Variants in VTI1A observed in about 807,000 individuals in gnomAD.
The protein encoded by VTI1A is vesicle transport through interaction with t-SNAREs 1A, also known as vesicle transport through interaction with t-SNAREs homolog 1A.
A neutral mutation model predicts 34.9 loss-of-function variants in VTI1A; 22 were observed. That is an observed-to-expected ratio of 0.63 (90% CI 0.45 to 0.90). The LOEUF is 0.90. Among genes scored for constraint, VTI1A ranks in the 40% least tolerant of loss-of-function variants. The pLI is 0.00. For missense variants in VTI1A, 268 were observed against 275.6 expected, an observed-to-expected ratio of 0.97 and a Z score of 0.20; for synonymous variants, 87 against 97.3, an observed-to-expected ratio of 0.89 and a Z score of 0.62.
chr10:112,682,257 A>G (rs1848241518), intron 7 of VTI1A, among the ~76,000 whole-genome samples: 1 of 152,184 alleles, frequency 6.6e-6, no homozygotes, highest in South Asian at 2.1e-4. Context: ...TTTCAAATAT[A>G]CAGTTTTCTC....
chr10:112,815,133 G>GCA (rs71489985), intron 7 of VTI1A, among the ~76,000 whole-genome samples, 157 bp from the exon 8 acceptor site: 7 of 90,372 alleles, frequency 7.7e-5, no homozygotes, highest in East Asian at 2.5e-4. Context: ...TGTCTCTTTC[G>GCA]CGCGCGCACA....
intron 5 of VTI1A, among the ~76,000 whole-genome samples, chr10:112,600,151 G>A (rs1395204497): frequency 2.0e-5 from 3 of 152,140 alleles, no homozygotes; most frequent in African/African-American, 7.2e-5. Context: ...AAAACGGAAT[G>A]TTTGAAAACC....
chr10:112,814,699 C>A (rs563502143), intron 7 of VTI1A, among the ~76,000 whole-genome samples: 3 of 152,272 alleles, frequency 2.0e-5, no homozygotes, highest in Admixed American at 1.3e-4. Context: ...TGCTATGGAG[C>A]AAATGTAACG....
intron 7 of VTI1A, among the ~76,000 whole-genome samples, chr10:112,789,437 G>A (rs4918773): frequency 0.51 from 77,982 of 151,932 alleles, 20,735 homozygotes; most frequent in East Asian, 0.74. Context: ...ATTTGCCTGT[G>A]CATGATGAGT....
chr10:112,838,086 C>T, the VTI1A span, among the ~76,000 whole-genome samples: 30 of 152,372 alleles, frequency 2.0e-4, no homozygotes, highest in South Asian at 6.2e-4. Context: ...CCCAGGCACA[C>T]AGCTCAATGT....
intron 7 of VTI1A, among the ~76,000 whole-genome samples, chr10:112,687,219 C>CTTTTTTTTT (rs71303594): frequency 2.4e-5 from 2 of 84,566 alleles, no homozygotes; most frequent in Non-Finnish European, 4.4e-5. Context: ...CATACTACAA[C>CTTTTTTTTT]TTTTTTTTTT....
chr10:112,550,461 TTA>T (rs1169087513), intron 5 of VTI1A, among the ~76,000 whole-genome samples: 2 of 152,146 alleles, frequency 1.3e-5, no homozygotes, highest in Non-Finnish European at 2.9e-5. Flanking sequence ...TGTGTACAAC[TTA>T]TATCAAGTGG....
chr10:112,618,131 G>T (rs1355368504), intron 5 of VTI1A, among the ~76,000 whole-genome samples: 1 of 152,020 alleles, frequency 6.6e-6, no homozygotes, highest in Non-Finnish European at 1.5e-5. Flanking sequence ...TCCAGCTTGA[G>T]CAACAGAGTG....
At position 112,560,386 on chromosome 10, in the gene VTI1A, G is replaced by A. The variant is rs184692369; in HGVS notation, c.427+22056G>A. Among the ~76,000 whole-genome samples, 6 of 152,150 alleles carry A rather than the reference G, an allele frequency of 3.9e-5. No individual in the cohort carries two copies. The East Asian group carries it at 1.2e-3, about 29-fold the overall frequency. ...GTTTAGGTTTCTAGTTTAATGTTAT[G>A]TCTTCAAAGAAGACTACCCTGACCA... On this transcript the variant is annotated intron_variant, in intron 5 of 7. Coordinates refer to ENST00000393077, the MANE Select transcript of VTI1A (RefSeq NM_145206.4).
chr10:112,666,338 G>T (rs560007483), intron 5 of VTI1A, among the ~76,000 whole-genome samples: 1 of 152,182 alleles, frequency 6.6e-6, no homozygotes, highest in African/African-American at 2.4e-5. Context: ...GTATGTAACT[G>T]TTTTCTATGA....
chr10:112,842,051 C>CTTTTTTTTTTTTTTTT, the VTI1A span, among the ~76,000 whole-genome samples: 3 of 66,646 alleles, frequency 4.5e-5, no homozygotes, highest in Non-Finnish European at 8.5e-5. Flanking sequence ...TTTTTTTTTC[C>CTTTTTTTTTTTTTTTT]TTTTTTTTTT....
chr10:112,821,471 A>G (rs551185655), downstream of VTI1A, among the ~76,000 whole-genome samples: 6 of 152,208 alleles, frequency 3.9e-5, no homozygotes, highest in Admixed American at 6.5e-5. Context: ...CACCTAAGTT[A>G]GAGAGAAATG....
At chr10:112,769,872 G>T (rs1470458032) in intron 7 of VTI1A, among the ~76,000 whole-genome samples, 1 of 152,106 alleles carries the variant, frequency 6.6e-6, no homozygotes, top group South Asian at 2.1e-4. Flanking sequence ...GTACCGCAGT[G>T]AGTGAAACAG....
chr10:112,586,957 A>C (rs1273292475), intron 5 of VTI1A, among the ~76,000 whole-genome samples: 1 of 152,184 alleles, frequency 6.6e-6, no homozygotes, highest in African/African-American at 2.4e-5. Flanking sequence ...CCACATCCAT[A>C]AACTTAGCTT....
At chr10:112,814,133 A>AT (rs1395617910) in intron 7 of VTI1A, among the ~76,000 whole-genome samples, 2 of 152,122 alleles carry the variant, frequency 1.3e-5, no homozygotes, top group Non-Finnish European at 1.5e-5. Context: ...CCCTGCAAAG[A>AT]TTTTTTTGTG....
chr10:112,606,105 A>ACCT (rs1845070341), intron 5 of VTI1A, among the ~76,000 whole-genome samples: 1 of 149,530 alleles, frequency 6.7e-6, no homozygotes, highest in East Asian at 2.0e-4. Flanking sequence ...GCTCACCACA[A>ACCT]CCTCCTCCTC....
intron 5 of VTI1A, among the ~76,000 whole-genome samples, chr10:112,617,258 T>G (rs909390095): frequency 6.6e-6 from 1 of 152,196 alleles, no homozygotes; most frequent in Non-Finnish European, 1.5e-5. Flanking sequence ...GGAAAATAAC[T>G]GCCACCCTAG....
intron 5 of VTI1A, among the ~76,000 whole-genome samples, chr10:112,546,064 GTGTGTGTATATACGTGTATACGCGTA>G (rs1564821502): frequency 1.8e-4 from 24 of 132,932 alleles, no homozygotes; most frequent in African/African-American, 5.1e-4. Context: ...ATACGCGTAT[GTGTGTGTATATACGTGTATACGCGTA>G]TGTGTGTATA....
chr10:112,492,215 C>T (rs184202012), intron 3 of VTI1A, among the ~76,000 whole-genome samples: 2 of 152,274 alleles, frequency 1.3e-5, no homozygotes, highest in African/African-American at 4.8e-5. Flanking sequence ...TATATAGAAT[C>T]TTTAGATCAG....
Sources: allele counts gnomAD v4.1 joint callset (sites outside exome capture counted in the v4.1 genomes callset), GRCh38; gene constraint gnomAD v4.1.1; transcripts MANE v1.5; gene names NCBI Gene and HGNC (gene_info 2026-07-23, HGNC 2026-07-21).